The following PDE6A variants were observed in gnomAD, a reference collection of about 807,000 sequenced individuals.
PDE6A encodes the protein phosphodiesterase 6A, also known as rod cGMP-specific 3',5'-cyclic phosphodiesterase subunit alpha.
In PDE6A, 84 loss-of-function variants were observed where a neutral mutation model predicts 106.3. The observed-to-expected ratio is 0.79, with a 90% CI of 0.66 to 0.95. The LOEUF (loss-of-function observed/expected upper bound fraction) is 0.95. Ranked by LOEUF, PDE6A falls within the 40% of genes least tolerant of loss-of-function variation. The pLI is 0.00. For missense variants in PDE6A, 1,052 were observed against 1,084.9 expected, an observed-to-expected ratio of 0.97 and a Z score of 0.43; for synonymous variants, 394 against 386.6, an observed-to-expected ratio of 1.02 and a Z score of -0.23.
rs2113656483 is a variant in PDE6A, at chr5:149,931,153, C to T, written c.733G>A (p.Gly245Arg). 1 of 1,613,980 alleles carries T rather than the reference C, an allele frequency of 6.2e-7. No individual in the cohort carries two copies. Among genetic ancestry groups the T allele is most frequent in the East Asian group, 2.2e-5 (1 of 44,892 alleles). Residue 245 changes from glycine to arginine, a missense_variant, in exon 4 of 22, where the codon GGG becomes AGG. By Grantham distance (125) the Gly-to-Arg change is moderately radical. Transcript: ENST00000255266. ...TRRGQILLWS[G>R]SKVFEELTDI... ...GTAAGTTCTTCAAAGACTTTGCTCC[C>T]AGACCACAGCAGTATCTGAAAAAAC...
chr5:149,933,815 G>A, intron 3 of PDE6A, 115 bp downstream of exon 3: 1 of 743,498 alleles, frequency 1.3e-6, no homozygotes, highest in Non-Finnish European at 2.4e-6. Context: ...TCGTGATGCT[G>A]GCCAGAGACT....
Position 149,866,323 on chromosome 5 carries a change from T to C in PDE6A, c.2275-70A>G. 4 of 1,118,950 alleles carry C rather than the reference T, an allele frequency of 3.6e-6. No individual in the cohort carries two copies. In the South Asian group the frequency reaches 5.0e-5, roughly 14 times the overall value. 69.3% of individuals were successfully genotyped at this position (1,118,950 alleles called of 1,614,324 possible). ...AACCTACCCTATCTATGAAGCATTC[T>C]TACTAAAATCAAACTGTAAACTCAT... is the stretch of plus-strand genomic sequence containing the variant. On this transcript the variant is annotated intron_variant, in intron 19 of 21. Coordinates refer to ENST00000255266, the MANE Select transcript of PDE6A (RefSeq NM_000440.3).
intron 5 of PDE6A, among the ~76,000 whole-genome samples, chr5:149,917,164 G>A (rs1203364391): frequency 6.6e-6 from 1 of 151,404 alleles, no homozygotes; most frequent in Admixed American, 6.6e-5. Flanking sequence ...GTTTTTCTAG[G>A]AATATATTTT....
At chr5:149,906,138 G>A (rs749768728) in intron 7 of PDE6A, among the ~76,000 whole-genome samples, 3 of 151,890 alleles carry the variant, frequency 2.0e-5, no homozygotes, top group African/African-American at 4.8e-5. Flanking sequence ...GATTACAGGC[G>A]TGAGTCACTA....
At chr5:149,891,344 C>T (rs896703779) in intron 13 of PDE6A, among the ~76,000 whole-genome samples, 2 of 152,110 alleles carry the variant, frequency 1.3e-5, no homozygotes, top group Admixed American at 1.3e-4. Context: ...GTGACGCGTG[C>T]CTGTAATCCC....
At chr5:149,896,800 G>A in intron 10 of PDE6A, 24 bp from the exon 11 acceptor site, 1 of 1,613,480 alleles carries the variant, frequency 6.2e-7, no homozygotes, top group African/African-American at 1.3e-5. Context: ...AAATGGCAGG[G>A]GAAAAAAAAT....
chr5:149,883,160 T>C (rs997739744), intron 17 of PDE6A, among the ~76,000 whole-genome samples: 4 of 152,226 alleles, frequency 2.6e-5, no homozygotes, highest in Non-Finnish European at 5.9e-5. Flanking sequence ...AAATCTTAGA[T>C]ATTATGATTG....
At chr5:149,915,265 T>C (rs1753517274) in intron 5 of PDE6A, among the ~76,000 whole-genome samples, 3 of 151,944 alleles carry the variant, frequency 2.0e-5, no homozygotes, top group African/African-American at 7.2e-5. Flanking sequence ...CACCTCAGCC[T>C]CCCGAAGTGC....
At chr5:149,896,661 A>G (rs970903558) in intron 11 of PDE6A, 50 bp downstream of exon 11, 6 of 1,613,988 alleles carry the variant, frequency 3.7e-6, no homozygotes, top group African/African-American at 2.7e-5. Flanking sequence ...GCTCAGGAGC[A>G]CTTTGCACTT....
intron 6 of PDE6A, among the ~76,000 whole-genome samples, chr5:149,914,124 A>G (rs13175294): frequency 1.3e-5 from 2 of 152,148 alleles, no homozygotes; most frequent in African/African-American, 2.4e-5. Flanking sequence ...ATGGGACTCT[A>G]AGGTCCAGAC....
rs1760318933 is a variant in PDE6A, at chr5:149,866,052, G to T, written c.2358+118C>A. 4.0e-6 allele frequency: 3 copies of T among 743,524 alleles called. No individual in the cohort carries two copies. In the Admixed American group the frequency reaches 6.0e-5, roughly 15 times the overall value. The allele number at this position is 743,524 out of a possible 1,614,324, so 46.1% of individuals were successfully genotyped here. ...AATCGAATGCCATTAGAGATGAGAA[G>T]CGCTTTGTAAAGTATCACCCACTGG... On this transcript the variant is annotated intron_variant, in intron 20 of 21. Transcript: ENST00000255266.
chr5:149,895,295 G>T lies in PDE6A; in HGVS notation c.1621-5C>A. 3.1e-6 allele frequency: 5 copies of T among 1,589,452 alleles called. No individual in the cohort carries two copies. On this transcript the variant is annotated splice_polypyrimidine_tract_variant and splice_region_variant and intron_variant, in intron 12 of 21. Transcript: ENST00000255266. ...GTACATGAACCGCACCAGGGCCTGT[G>T]AACACATGCACATCAGTGAGGCAGG...
intron 20 of PDE6A, among the ~76,000 whole-genome samples, chr5:149,864,769 C>T (rs1407124675): frequency 1.3e-5 from 2 of 152,172 alleles, no homozygotes; most frequent in Non-Finnish European, 2.9e-5. Flanking sequence ...TCAGAGATGC[C>T]TGGGTTCCGG....
At position 149,935,938 on chromosome 5, in the gene PDE6A, G is replaced by T. The variant is rs73269787; in HGVS notation, c.475-1220C>A. On this transcript the variant is annotated intron_variant, in intron 1 of 21. Coordinates refer to ENST00000255266, the MANE Select transcript of PDE6A (RefSeq NM_000440.3). ...AGGCCAAGGTGGGAGTATTGCTTGC[G>T]TTCAGTAGTCCAAGACCAGCCTGGG... 3.3e-4 allele frequency among the ~76,000 whole-genome samples: 51 copies of T among 152,266 alleles called. 1 individual carries two copies. Among genetic ancestry groups the T allele is most frequent in the African/African-American group, 8.9e-4 (37 of 41,550 alleles).
intron 19 of PDE6A, chr5:149,867,193 G>A (rs1244071910): frequency 1.1e-5 from 2 of 188,504 alleles, no homozygotes; most frequent in African/African-American, 4.7e-5. Flanking sequence ...TTGCCTTCAG[G>A]GACTTCAGGG....
chr5:149,927,102 T>C (rs2113650170), intron 4 of PDE6A, among the ~76,000 whole-genome samples: 1 of 152,238 alleles, frequency 6.6e-6, no homozygotes, highest in Non-Finnish European at 1.5e-5. Context: ...GGCAATTTTG[T>C]CATTGTGTGA....
At chr5:149,874,528 C>T (rs192537510) in intron 17 of PDE6A, among the ~76,000 whole-genome samples, 363 of 152,300 alleles carry the variant, frequency 2.4e-3, no homozygotes, top group African/African-American at 8.2e-3. Flanking sequence ...GCTCTCTAAA[C>T]CCTGCTGTTT....
chr5:149,858,411 T>A lies in PDE6A; in HGVS notation c.*2484A>T, dbSNP rs1760009691. The A allele has an allele frequency of 6.6e-6, 1 of 152,244 alleles. No homozygotes were observed. The highest frequency in any genetic ancestry group is 1.5e-5 in the Non-Finnish European group (1 of 68,056). 9.4% of individuals were successfully genotyped at this position (152,244 alleles called of 1,614,324 possible). A position where few individuals can be genotyped will look rare whatever the true frequency, so the allele number is the denominator to read the frequency against. ...TCAACATCAGTTACTATGGTATGAA[T>A]GCTGATCAGGCCAGTGCATTCCGCT... On this transcript the variant is annotated 3_prime_UTR_variant, in exon 22 of 22. Transcript: ENST00000255266.
In PDE6A at chr5:149,907,261, C is replaced by CT. The variant is rs770905404; in HGVS notation, c.1065+50dup. 6 of 1,346,136 alleles carry CT rather than the reference C, an allele frequency of 4.5e-6. No homozygotes were observed. In the African/African-American group the frequency reaches 7.2e-5, roughly 16 times the overall value. 83.4% of individuals were successfully genotyped at this position (1,346,136 alleles called of 1,614,324 possible). A position where few individuals can be genotyped will look rare whatever the true frequency, so the allele number is the denominator to read the frequency against. On this transcript the variant is annotated intron_variant, in intron 7 of 21. Coordinates refer to ENST00000255266, the MANE Select transcript of PDE6A (RefSeq NM_000440.3). ...CTTCTTGATCTGAAATCCTTCCACT[C>CT]TTTCTTCCACGTGATCCAAAACTCT...
Sources: allele counts gnomAD v4.1 joint callset (sites outside exome capture counted in the v4.1 genomes callset), GRCh38; gene constraint gnomAD v4.1.1; transcripts MANE v1.5; gene names NCBI Gene and HGNC (gene_info 2026-07-23, HGNC 2026-07-21).